Variants in C12orf42 observed in about 807,000 individuals in gnomAD.
The protein encoded by C12orf42 is chromosome 12 open reading frame 42.
Under a neutral mutation model 21.6 loss-of-function variants are expected in C12orf42, and 25 were observed. The ratio of observed to expected loss-of-function variants is 1.16; its 90% CI spans 0.84 to 1.62. The LOEUF (loss-of-function observed/expected upper bound fraction) is 1.62, where lower values mean the gene tolerates loss of function less well. Among genes scored for constraint, C12orf42 ranks in the 40% most tolerant of loss-of-function variants. C12orf42 has a pLI of 0.00. For missense variants in C12orf42, 483 were observed against 459.3 expected (o/e 1.05, Z -0.47); for synonymous variants, 174 against 175.0 (o/e 0.99, Z 0.05).
intron 2 of C12orf42, among the ~76,000 whole-genome samples, chr12:103,468,357 T>C (rs939515867): frequency 6.6e-6 from 1 of 152,224 alleles, no homozygotes; most frequent in African/African-American, 2.4e-5. Flanking sequence ...AACCTGTGCA[T>C]GGTTTCTTAG....
At chr12:103,262,499 A>G (rs1465241360) in intron 10 of C12orf42, 1 of 152,200 alleles carries the variant, frequency 6.6e-6, no homozygotes, top group Non-Finnish European at 1.5e-5. Context: ...TTATAACTCT[A>G]GTTATTTCTG....
the C12orf42 span, among the ~76,000 whole-genome samples, chr12:103,141,907 C>T: frequency 5.3e-5 from 8 of 152,136 alleles, no homozygotes; most frequent in South Asian, 2.1e-4. Flanking sequence ...AAAATTATTT[C>T]GTCTTATCTG....
the C12orf42 span, among the ~76,000 whole-genome samples, chr12:103,072,571 G>A: frequency 6.6e-6 from 1 of 152,070 alleles, no homozygotes; most frequent in African/African-American, 2.4e-5. Context: ...GCAGATGAGA[G>A]TCCCTCCCAT....
At chr12:103,231,466 T>C in the C12orf42 span, among the ~76,000 whole-genome samples, 2 of 152,256 alleles carry the variant, frequency 1.3e-5, no homozygotes, top group Non-Finnish European at 2.9e-5. Context: ...TATTTATTTC[T>C]TCCTCCTCAC....
chr12:103,244,700 G>T (rs1287020042), intron 10 of C12orf42, among the ~76,000 whole-genome samples: 4 of 151,796 alleles, frequency 2.6e-5, no homozygotes, highest in Non-Finnish European at 4.4e-5. Context: ...TGATTCCAAG[G>T]CCATACATCT....
chr12:103,495,438 C>T (rs1268175082), intron 1 of C12orf42, among the ~76,000 whole-genome samples: 1 of 151,812 alleles, frequency 6.6e-6, no homozygotes, highest in East Asian at 1.9e-4. Context: ...CCCCACCCCT[C>T]CCCCTTCCTG....
chr12:103,409,858 T>C (rs1299550051), intron 2 of C12orf42, among the ~76,000 whole-genome samples: 2 of 152,222 alleles, frequency 1.3e-5, no homozygotes, highest in Admixed American at 6.5e-5. Context: ...AACAATCTTA[T>C]ATTGAGCACA....
At chr12:103,249,652 A>G (rs1283415506) in intron 10 of C12orf42, among the ~76,000 whole-genome samples, 1 of 152,110 alleles carries the variant, frequency 6.6e-6, no homozygotes, top group Non-Finnish European at 1.5e-5. Context: ...AGGCACTCAC[A>G]AGAGGCCGCT....
chr12:103,455,673 C>A (rs2137564361), intron 2 of C12orf42, among the ~76,000 whole-genome samples: 1 of 152,230 alleles, frequency 6.6e-6, no homozygotes, highest in Middle Eastern at 3.4e-3. Context: ...ACTGATGCAT[C>A]TTTTTGTCCT....
chr12:103,196,383 C>T, the C12orf42 span, among the ~76,000 whole-genome samples: 3 of 151,790 alleles, frequency 2.0e-5, no homozygotes, highest in African/African-American at 4.8e-5. Flanking sequence ...GTATACACCA[C>T]GTACAGATGA....
the C12orf42 span, among the ~76,000 whole-genome samples, chr12:103,156,835 A>G: frequency 6.6e-6 from 1 of 152,284 alleles, no homozygotes. Flanking sequence ...ATAGTATTCC[A>G]TGGTGTATAT....
chr12:103,539,276 T>C, the C12orf42 span, among the ~76,000 whole-genome samples: 7 of 152,128 alleles, frequency 4.6e-5, no homozygotes, highest in African/African-American at 1.7e-4. Flanking sequence ...TCTAGACATA[T>C]ATCTGTGCAT....
chr12:103,323,096 C>A (rs1191443996), intron 4 of C12orf42, among the ~76,000 whole-genome samples: 1 of 152,170 alleles, frequency 6.6e-6, no homozygotes, highest in Admixed American at 6.5e-5. Context: ...GTACCTAGAA[C>A]CATGTCTAGT....
At chr12:103,473,204 A>T (rs1278069932) in intron 2 of C12orf42, among the ~76,000 whole-genome samples, 1 of 152,226 alleles carries the variant, frequency 6.6e-6, no homozygotes, top group African/African-American at 2.4e-5. Context: ...ACACATAATC[A>T]TCTGTAAAAT....
chr12:103,300,008 G>A (rs1170669313), downstream of C12orf42, among the ~76,000 whole-genome samples: 1 of 152,192 alleles, frequency 6.6e-6, no homozygotes, highest in Non-Finnish European at 1.5e-5. Context: ...GTCTCAAAGT[G>A]CTCTCTCTTT....
At chr12:103,118,363 A>G in the C12orf42 span, among the ~76,000 whole-genome samples, 1 of 152,220 alleles carries the variant, frequency 6.6e-6, no homozygotes, top group African/African-American at 2.4e-5. Context: ...TGAGGGGAAC[A>G]TCAAGCCCTG....
chr12:103,239,623 G>T (rs2033635118), intron 10 of C12orf42, among the ~76,000 whole-genome samples: 1 of 152,160 alleles, frequency 6.6e-6, no homozygotes, highest in African/African-American at 2.4e-5. Context: ...GACCATAGGT[G>T]GTTAGCTTGT....
chr12:103,129,954 A>G, the C12orf42 span, among the ~76,000 whole-genome samples: 1 of 152,074 alleles, frequency 6.6e-6, no homozygotes, highest in South Asian at 2.1e-4. Flanking sequence ...AACCCATGCA[A>G]ATTTCCAGGA....
At chr12:103,105,953 G>A in the C12orf42 span, among the ~76,000 whole-genome samples, 2 of 152,058 alleles carry the variant, frequency 1.3e-5, no homozygotes, top group Admixed American at 1.3e-4. Flanking sequence ...TGGGTGAGAG[G>A]AAATATTCAA....
Sources: allele counts gnomAD v4.1 joint callset (sites outside exome capture counted in the v4.1 genomes callset), GRCh38; gene constraint gnomAD v4.1.1; transcripts MANE v1.5; gene names NCBI Gene and HGNC (gene_info 2026-07-23, HGNC 2026-07-21).